Variants in MLLT3 observed in about 807,000 individuals in gnomAD.
The protein encoded by MLLT3 is protein AF-9.
A neutral mutation model predicts 53.2 loss-of-function variants in MLLT3; 4 were observed. That is an observed-to-expected ratio of 0.08 (90% confidence interval 0.04 to 0.17). MLLT3 has a LOEUF of 0.17. Ranked by LOEUF, MLLT3 falls within the 10% of genes least tolerant of loss-of-function variation. The probability of loss-of-function intolerance (pLI) is 1.00; values close to 1 mark genes in which losing one functional copy is unlikely to be tolerated. For missense variants in MLLT3, 569 were observed against 684.0 expected (o/e 0.83, Z 1.87); for synonymous variants, 283 against 230.6 (o/e 1.23, Z -2.06).
chr9:20,503,876 T>C (rs1449429969), intron 2 of MLLT3, among the ~76,000 whole-genome samples: 1 of 152,016 alleles, frequency 6.6e-6, no homozygotes, highest in Non-Finnish European at 1.5e-5. Flanking sequence ...ATAACCTGAT[T>C]TTAAAATGGG....
At chr9:20,546,448 C>CAGGA (rs1818790257) in intron 2 of MLLT3, among the ~76,000 whole-genome samples, 1 of 151,688 alleles carries the variant, frequency 6.6e-6, no homozygotes, top group Non-Finnish European at 1.5e-5. Context: ...GAGACCAAGG[C>CAGGA]AGGAGGATTG....
intron 4 of MLLT3, among the ~76,000 whole-genome samples, chr9:20,415,233 G>T (rs1310485890): frequency 1.3e-5 from 2 of 152,054 alleles, no homozygotes; most frequent in African/African-American, 4.8e-5. Context: ...ATAAAAGGAA[G>T]TTAATAGAAC....
Position 20,429,658 on chromosome 9 carries a change from A to T in MLLT3, c.421-15233T>A, listed in dbSNP as rs75048936. Among the ~76,000 whole-genome samples, 670 of 152,298 alleles carry T rather than the reference A, an allele frequency of 4.4e-3. 7 individuals carry two copies. Among genetic ancestry groups the T allele is most frequent in the East Asian group, 0.027 (140 of 5,190 alleles). On this transcript the variant is annotated intron_variant, in intron 4 of 10. Coordinates refer to ENST00000380338, the MANE Select transcript of MLLT3 (RefSeq NM_004529.4). The stretch of plus-strand genomic sequence containing the variant: ...TGCTTGTCAAGCACTACATTAACAG[A>T]TTAAAGGAGAACAAAACCATCTGTT...
At position 20,621,728 on chromosome 9, in the gene MLLT3, G is replaced by C; in HGVS notation, c.12+517C>G. 4 of 1,487,486 alleles carry C rather than the reference G, an allele frequency of 2.7e-6. No individual in the cohort carries two copies. Among genetic ancestry groups the C allele is most frequent in the Non-Finnish European group, 3.6e-6 (4 of 1,123,750 alleles). 92.1% of individuals were successfully genotyped at this position (1,487,486 alleles called of 1,614,324 possible). ...GTTGCGTGCGGCCCCGCCGCTGTCAGCCCCGCACACTTCGGCTCACACACG... is the reference window on the plus strand; with the variant it reads ...GTTGCGTGCGGCCCCGCCGCTGTCACCCCCGCACACTTCGGCTCACACACG... On this transcript the variant is annotated intron_variant, in intron 1 of 10. Coordinates refer to ENST00000380338, the MANE Select transcript of MLLT3 (RefSeq NM_004529.4). This position sits in a 1 kb window ranked among gnomAD's most constrained non-coding sequence, Gnocchi z 7.0.
At position 20,621,663 on chromosome 9, in the gene MLLT3, G is replaced by T; in HGVS notation, c.12+582C>A. The T allele has an allele frequency of 9.0e-7, 1 of 1,109,342 alleles. No homozygotes were observed. Among genetic ancestry groups the T allele is most frequent in the Non-Finnish European group, 1.2e-6 (1 of 814,872 alleles). The allele number at this position is 1,109,342 out of a possible 1,614,324, so 68.7% of individuals were successfully genotyped here. ...AGGGCGGCGGGCGGACAGCCGCCGA[G>T]CCTCGGCTCGCGCTCAGCACCTCCC... On this transcript the variant is annotated intron_variant, in intron 1 of 10. Transcript: ENST00000380338. The surrounding 1 kb of genome is among the most constrained non-coding windows in gnomAD (Gnocchi z 7.0).
At chr9:20,483,941 G>A (rs1824738513) in intron 2 of MLLT3, among the ~76,000 whole-genome samples, 1 of 151,706 alleles carries the variant, frequency 6.6e-6, no homozygotes, top group South Asian at 2.1e-4. Context: ...TCGATCTCCT[G>A]ACCTCATGAT....
chr9:20,533,807 C>T (rs376176570), intron 2 of MLLT3, among the ~76,000 whole-genome samples: 1 of 152,178 alleles, frequency 6.6e-6, no homozygotes. Flanking sequence ...CACAGAAACA[C>T]AAACACTGCA....
At position 20,448,449 on chromosome 9, in the gene MLLT3, T is replaced by C. The variant is rs925342889; in HGVS notation, c.277-183A>G. ...TCATCAGTGAAACAAAATAGAAATGTCTGACAAATTAGTTTCTTGTGTTAG... is the reference window on the plus strand; with the variant it reads ...TCATCAGTGAAACAAAATAGAAATGCCTGACAAATTAGTTTCTTGTGTTAG... On this transcript the variant is annotated intron_variant, in intron 3 of 10. Coordinates refer to ENST00000380338, the MANE Select transcript of MLLT3 (RefSeq NM_004529.4). This position sits in a 1 kb window ranked among gnomAD's most constrained non-coding sequence, Gnocchi z 4.0. Among the ~76,000 whole-genome samples the C allele has an allele frequency of 3.3e-5, 5 of 151,934 alleles. No individual in the cohort carries two copies. The highest frequency in any genetic ancestry group is 7.4e-5 in the Non-Finnish European group (5 of 67,976).
rs1425302438 is a variant in MLLT3 at position 20,620,618 on chromosome 9, A to AT, written c.193+35dup. The AT allele has an allele frequency of 6.3e-7, 1 of 1,591,970 alleles. No individual in the cohort carries two copies. Among genetic ancestry groups the AT allele is most frequent in the Non-Finnish European group, 8.6e-7 (1 of 1,164,788 alleles). ...CGGGCCAAGCGATTGTTTCAAAGAC[A>AT]TTTTTTATCAAGACCCTTTTGTATT... On this transcript the variant is annotated intron_variant, in intron 2 of 10. Coordinates refer to ENST00000380338, the MANE Select transcript of MLLT3 (RefSeq NM_004529.4). This position sits in a 1 kb window ranked among gnomAD's most constrained non-coding sequence, Gnocchi z 6.1.
chr9:20,532,440 T>A lies in MLLT3; in HGVS notation c.194-75654A>T, dbSNP rs1475001878. The A allele has an allele frequency of 1.8e-5, 3 of 171,132 alleles. No homozygotes were observed. The East Asian group carries it at 4.3e-4, about 24-fold the overall frequency. 10.6% of individuals were successfully genotyped at this position (171,132 alleles called of 1,614,324 possible). On this transcript the variant is annotated intron_variant, in intron 2 of 10. Coordinates refer to ENST00000380338, the MANE Select transcript of MLLT3 (RefSeq NM_004529.4). ...TCGTAAAAAATTAACACAGTTGCAG[T>A]CATATAGTATATAATTTGAGCCTAC... is the stretch of plus-strand genomic sequence containing the variant.
chr9:20,351,514 G>A (rs554443983), intron 10 of MLLT3, among the ~76,000 whole-genome samples: 4 of 152,332 alleles, frequency 2.6e-5, no homozygotes, highest in Admixed American at 1.3e-4. Context: ...AGTGGCTTAG[G>A]AACACAGGCT....
At chr9:20,571,401 T>C (rs1201933051) in intron 2 of MLLT3, among the ~76,000 whole-genome samples, 3 of 152,196 alleles carry the variant, frequency 2.0e-5, no homozygotes, top group Admixed American at 2.0e-4. Flanking sequence ...CTGAAATATA[T>C]AAGCAACTCA....
At chr9:20,566,444 C>G (rs915110369) in intron 2 of MLLT3, among the ~76,000 whole-genome samples, 8 of 152,108 alleles carry the variant, frequency 5.3e-5, no homozygotes, top group African/African-American at 1.9e-4. Flanking sequence ...TAGGCATATT[C>G]AGTTAAAACA....
chr9:20,399,268 G>A (rs1471602585), intron 5 of MLLT3, among the ~76,000 whole-genome samples: 1 of 152,014 alleles, frequency 6.6e-6, no homozygotes, highest in East Asian at 1.9e-4. Flanking sequence ...AAGACTCCTC[G>A]ACTAGACATG....
intron 2 of MLLT3, among the ~76,000 whole-genome samples, chr9:20,475,171 TTATTTGTGATGGGATGGCAGC>T (rs1158006719): frequency 4.0e-4 from 61 of 152,150 alleles, no homozygotes; most frequent in Middle Eastern, 3.4e-3. Flanking sequence ...CAAGGTGAAG[TTATTTGTGATGGGATGGCAGC>T]TCTAGTAGGA....
chr9:20,381,387 A>C (rs1821904479), intron 5 of MLLT3, among the ~76,000 whole-genome samples: 1 of 151,934 alleles, frequency 6.6e-6, no homozygotes, highest in African/African-American at 2.4e-5. Context: ...CGATATTCCA[A>C]ATATAAAACT....
intron 2 of MLLT3, among the ~76,000 whole-genome samples, chr9:20,592,853 C>A (rs1222554568): frequency 6.6e-6 from 1 of 152,134 alleles, no homozygotes; most frequent in East Asian, 1.9e-4. Context: ...AGTTCCAAAA[C>A]TATCCTGGGA....
At chr9:20,606,696 A>AT (rs1395709606) in intron 2 of MLLT3, among the ~76,000 whole-genome samples, 1 of 151,732 alleles carries the variant, frequency 6.6e-6, no homozygotes, top group African/African-American at 2.4e-5. Context: ...CTTTAAGTCT[A>AT]TTTTTTTTCT....
Position 20,344,848 on chromosome 9 carries a change from C to T in MLLT3, c.*1595G>A, listed in dbSNP as rs1421391221. On this transcript the variant is annotated 3_prime_UTR_variant, in exon 11 of 11. Coordinates refer to ENST00000380338, the MANE Select transcript of MLLT3 (RefSeq NM_004529.4). ...TAATCTCTGTATGAAAAGACAGCAT[C>T]TGGCATGGGAACAAACAAGGGAGAT... is the stretch of plus-strand genomic sequence containing the variant. 4.7e-6 allele frequency: 1 copy of T among 210,916 alleles called. No individual in the cohort carries two copies. The highest frequency in any genetic ancestry group is 2.3e-5 in the African/African-American group (1 of 44,128). 13.1% of individuals were successfully genotyped at this position (210,916 alleles called of 1,614,324 possible). A position where few individuals can be genotyped will look rare whatever the true frequency, so the allele number is the denominator to read the frequency against.
Sources: gnomAD v4.1 joint callset for allele counts (sites outside exome capture counted in the v4.1 genomes callset) on GRCh38, gnomAD v4.1.1 for gene constraint, Gnocchi (gnomAD v3.1) non-coding constraint, MANE v1.5 for transcripts, NCBI Gene and HGNC (gene_info 2026-07-23, HGNC 2026-07-21) for gene names.